NBAS: variants seen among roughly 807,000 people sequenced by gnomAD.
The protein encoded by NBAS is NBAS subunit of NRZ tethering complex.
A neutral mutation model predicts 302.5 loss-of-function variants in NBAS; 219 were observed. That is an observed-to-expected ratio of 0.72 (90% CI 0.65 to 0.81). The LOEUF (loss-of-function observed/expected upper bound fraction) is 0.81. Ranked by LOEUF, NBAS falls within the 30% of genes least tolerant of loss-of-function variation. The probability of loss-of-function intolerance (pLI) is 0.00; values close to 1 mark genes in which losing one functional copy is unlikely to be tolerated. For missense variants in NBAS, 2,932 were observed against 2,841.6 expected (o/e 1.03, Z -0.72); for synonymous variants, 1,118 against 1,021.6 (o/e 1.09, Z -1.80).
At chr2:15,045,328 A>G in the NBAS span, among the ~76,000 whole-genome samples, 4 of 152,230 alleles carry the variant, frequency 2.6e-5, no homozygotes, top group Admixed American at 2.6e-4. Flanking sequence ...GGAAGCACAG[A>G]GATAGAAGCC....
the NBAS span, among the ~76,000 whole-genome samples, chr2:15,047,720 G>A: frequency 7.1e-6 from 1 of 141,022 alleles, no homozygotes; most frequent in East Asian, 2.1e-4. Flanking sequence ...GCCCGTGCAA[G>A]TGCAGGCTGG....
At chr2:14,969,818 T>C in the NBAS span, among the ~76,000 whole-genome samples, 2 of 152,116 alleles carry the variant, frequency 1.3e-5, no homozygotes, top group East Asian at 3.9e-4. Flanking sequence ...TAACTTCAAA[T>C]AGGTCCCAGT....
Position 15,203,295 on chromosome 2 carries a change from C to T in NBAS, c.6433-12892G>A, listed in dbSNP as rs567080343. ...TTCTTAACCACTTTGAGTCTATTTC[C>T]TTATGTGATGAATGGAGTGATGAGA... On this transcript the variant is annotated intron_variant, in intron 48 of 51. Coordinates refer to ENST00000281513, the MANE Select transcript of NBAS (RefSeq NM_015909.4). 1.2e-4 allele frequency among the ~76,000 whole-genome samples: 18 copies of T among 152,192 alleles called. No individual in the cohort carries two copies. The South Asian group carries it at 3.5e-3, about 30-fold the overall frequency.
intron 26 of NBAS, among the ~76,000 whole-genome samples, chr2:15,396,946 ATCATCCCTTGTGCTT>A (rs1675893476): frequency 6.6e-6 from 1 of 152,224 alleles, no homozygotes; most frequent in Non-Finnish European, 1.5e-5. Flanking sequence ...CTTCCACATA[ATCATCCCTTGTGCTT>A]TAAGGGAAGG....
chr2:15,469,376 T>C (rs1332738656), intron 16 of NBAS, among the ~76,000 whole-genome samples: 2 of 152,210 alleles, frequency 1.3e-5, no homozygotes, highest in East Asian at 3.8e-4. Flanking sequence ...GCTTTAAATG[T>C]GTCCCAGAGA....
At position 15,308,293 on chromosome 2, in the gene NBAS, C is replaced by T. The variant is rs1379743282; in HGVS notation, c.4720G>A (p.Ala1574Thr). 5 of 1,614,016 alleles carry T rather than the reference C, an allele frequency of 3.1e-6. No individual in the cohort carries two copies. The highest frequency in any genetic ancestry group is 4.2e-6 in the Non-Finnish European group (5 of 1,180,046). Reference sequence around the variant, plus strand: ...ATCTGGAGGCTATAGTAATACGCTGCCAGCTGGAGAGATAATGCAGAGGGG... The same window carrying T: ...ATCTGGAGGCTATAGTAATACGCTGTCAGCTGGAGAGATAATGCAGAGGGG... ...QSPSALSLQL[A>T]AYYYSLQIYA... Residue 1574 changes from alanine (A) to threonine (T), a missense_variant, in exon 40 of 52, where the codon GCA (alanine) becomes ACA (threonine). By Grantham distance (58) the Ala-to-Thr change is moderately conservative. Transcript: ENST00000281513.
At chr2:14,814,821 C>A in the NBAS span, among the ~76,000 whole-genome samples, 2 of 152,134 alleles carry the variant, frequency 1.3e-5, no homozygotes, top group Non-Finnish European at 2.9e-5. Flanking sequence ...CTGTGTCCCC[C>A]CCCAAACTGC....
At chr2:14,909,688 G>A in the NBAS span, among the ~76,000 whole-genome samples, 2 of 152,206 alleles carry the variant, frequency 1.3e-5, no homozygotes, top group African/African-American at 4.8e-5. Context: ...AGTGCATGGT[G>A]ATAAAACAAT....
intron 21 of NBAS, among the ~76,000 whole-genome samples, chr2:15,452,720 T>G (rs746439413): frequency 6.6e-6 from 1 of 152,188 alleles, no homozygotes; most frequent in Non-Finnish European, 1.5e-5. Flanking sequence ...TGAATAGGAT[T>G]GTAGAAGAAC....
chr2:15,465,131 C>T (rs1468434846), intron 19 of NBAS, among the ~76,000 whole-genome samples: 2 of 152,196 alleles, frequency 1.3e-5, no homozygotes, highest in Non-Finnish European at 2.9e-5. Context: ...TAAGGGTATT[C>T]TCCTACCTAC....
intron 47 of NBAS, among the ~76,000 whole-genome samples, chr2:15,231,372 G>A (rs1196635230): frequency 2.0e-5 from 3 of 152,126 alleles, no homozygotes; most frequent in Admixed American, 2.0e-4. Context: ...CAAACCTTGT[G>A]CACAAAGCCA....
chr2:15,023,260 A>G, the NBAS span, among the ~76,000 whole-genome samples: 13 of 152,162 alleles, frequency 8.5e-5, no homozygotes, highest in African/African-American at 3.1e-4. Context: ...TAAGAACTTT[A>G]TAGTATTCTA....
the NBAS span, among the ~76,000 whole-genome samples, chr2:15,107,436 A>G: frequency 6.6e-6 from 1 of 152,146 alleles, no homozygotes; most frequent in Non-Finnish European, 1.5e-5. Context: ...AGGCAGCCCA[A>G]GCTGACTAAG....
chr2:14,890,250 C>A, the NBAS span, among the ~76,000 whole-genome samples: 5 of 152,062 alleles, frequency 3.3e-5, no homozygotes, highest in African/African-American at 1.2e-4. Context: ...CTCAAAGATT[C>A]ATTTTACAAA....
chr2:15,421,113 A>C (rs575252304), intron 23 of NBAS, among the ~76,000 whole-genome samples: 1 of 152,320 alleles, frequency 6.6e-6, no homozygotes, highest in African/African-American at 2.4e-5. Flanking sequence ...GAAAGAATAC[A>C]TCTACCTTTA....
At chr2:14,807,330 G>A in the NBAS span, among the ~76,000 whole-genome samples, 71 of 152,210 alleles carry the variant, frequency 4.7e-4, no homozygotes, top group African/African-American at 1.6e-3. Context: ...CTCTTGTAAA[G>A]CTATTTTCAT....
chr2:15,380,080 A>C (rs1227672765), intron 29 of NBAS, among the ~76,000 whole-genome samples: 2 of 152,228 alleles, frequency 1.3e-5, no homozygotes, highest in East Asian at 1.9e-4. Context: ...CATTGACTAA[A>C]CCAAAATTAA....
At chr2:15,292,842 G>GAGA in intron 40 of NBAS, 76 bp from the exon 41 acceptor site, 2 of 1,369,326 alleles carry the variant, frequency 1.5e-6, no homozygotes, top group South Asian at 2.4e-5. Flanking sequence ...AATGGAAGAA[G>GAGA]ACCATGTCTG....
chr2:15,556,590 A>C (rs1362160330), intron 3 of NBAS, among the ~76,000 whole-genome samples, 193 bp downstream of exon 3: 1 of 152,222 alleles, frequency 6.6e-6, no homozygotes, highest in Non-Finnish European at 1.5e-5. Flanking sequence ...CTAAGGGAAC[A>C]AAAACTACCC....
Sources: allele counts gnomAD v4.1 joint callset (sites outside exome capture counted in the v4.1 genomes callset), GRCh38; gene constraint gnomAD v4.1.1; transcripts MANE v1.5; gene names NCBI Gene and HGNC (gene_info 2026-07-23, HGNC 2026-07-21).